Variants in CSMD1 observed in about 807,000 individuals in gnomAD.
CSMD1 encodes CUB and Sushi multiple domains 1.
A neutral mutation model predicts 417.5 loss-of-function variants in CSMD1; 213 were observed. The ratio of observed to expected loss-of-function variants is 0.51; its 90% confidence interval spans 0.46 to 0.57. CSMD1 has a LOEUF of 0.57. Ranked by LOEUF, CSMD1 falls within the 20% of genes least tolerant of loss-of-function variation. The pLI is 0.00. For synonymous variants in CSMD1, 2,862 were observed against 1,736.8 expected, an observed-to-expected ratio of 1.65 and a Z score of -16.11; for missense variants, 6,923 against 4,529.7, an observed-to-expected ratio of 1.53 and a Z score of -15.17.
chr8:4,812,515 A>G (rs1251811936), intron 1 of CSMD1, among the ~76,000 whole-genome samples: 1 of 152,206 alleles, frequency 6.6e-6, no homozygotes, highest in Non-Finnish European at 1.5e-5. Flanking sequence ...AAATTTGATC[A>G]TTATACATTC....
At chr8:3,245,350 A>G (rs753548380) in intron 26 of CSMD1, among the ~76,000 whole-genome samples, 4 of 152,146 alleles carry the variant, frequency 2.6e-5, no homozygotes, top group Non-Finnish European at 4.4e-5. Context: ...TTTGCAAAAC[A>G]AAAGTGAGAG....
rs1441465179 is a variant in CSMD1 at position 2,937,723 on chromosome 8, T to C, written c.*862A>G. ...TAAATGGAGCTAATTGAAGCAATAA[T>C]AAAATAAATCTCTTCAATACTGTAT... is the stretch of plus-strand genomic sequence containing the variant. On this transcript the variant is annotated 3_prime_UTR_variant, in exon 70 of 70. Transcript: ENST00000635120. 1 of 152,492 alleles carries C rather than the reference T, an allele frequency of 6.6e-6. No homozygotes were observed. Among genetic ancestry groups the C allele is most frequent in the Non-Finnish European group, 1.5e-5 (1 of 68,032 alleles). The allele number at this position is 152,492 out of a possible 1,614,324, so 9.4% of individuals were successfully genotyped here.
At chr8:4,351,384 C>T (rs540748688) in intron 3 of CSMD1, among the ~76,000 whole-genome samples, 2 of 152,238 alleles carry the variant, frequency 1.3e-5, no homozygotes, top group African/African-American at 4.8e-5. Flanking sequence ...CTCCTCTCTT[C>T]TCGTCTCATA....
At chr8:3,441,440 A>G (rs1177884094) in intron 12 of CSMD1, among the ~76,000 whole-genome samples, 1 of 151,834 alleles carries the variant, frequency 6.6e-6, no homozygotes, top group Admixed American at 6.6e-5. Flanking sequence ...AATATTGAAC[A>G]GTCTTTCATT....
chr8:3,697,981 A>G (rs1308071278), intron 7 of CSMD1, among the ~76,000 whole-genome samples: 1 of 152,196 alleles, frequency 6.6e-6, no homozygotes, highest in Non-Finnish European at 1.5e-5. Context: ...TATGGTTACA[A>G]TTCAATTTAA....
At chr8:4,437,337 G>C (rs1169989267) in intron 2 of CSMD1, among the ~76,000 whole-genome samples, 2 of 152,088 alleles carry the variant, frequency 1.3e-5, no homozygotes, top group East Asian at 1.9e-4. Flanking sequence ...GTTTTAAAAA[G>C]AAAATACATT....
chr8:3,824,951 A>AT (rs143456401), intron 5 of CSMD1, among the ~76,000 whole-genome samples: 5,337 of 152,238 alleles, frequency 0.035, 273 homozygotes, highest in African/African-American at 0.11. Context: ...GATTAATCTG[A>AT]TTTTTTAACT....
At chr8:3,910,232 G>C (rs759039825) in intron 5 of CSMD1, among the ~76,000 whole-genome samples, 1 of 152,118 alleles carries the variant, frequency 6.6e-6, no homozygotes, top group Non-Finnish European at 1.5e-5. Context: ...GTGAATTGTG[G>C]GGTGGGGAGG....
chr8:3,759,512 C>G (rs1281427881), intron 5 of CSMD1, among the ~76,000 whole-genome samples: 2 of 151,858 alleles, frequency 1.3e-5, no homozygotes, highest in South Asian at 2.1e-4. Flanking sequence ...TTCTAATAAA[C>G]AAATAGTTTG....
intron 5 of CSMD1, among the ~76,000 whole-genome samples, chr8:3,778,412 A>C (rs1799007732): frequency 6.6e-6 from 1 of 152,192 alleles, no homozygotes; most frequent in African/African-American, 2.4e-5. Context: ...AAAAAGATTC[A>C]ACACTTAAAT....
intron 5 of CSMD1, among the ~76,000 whole-genome samples, chr8:3,808,918 T>G (rs1419071115): frequency 1.3e-5 from 2 of 152,164 alleles, no homozygotes; most frequent in Non-Finnish European, 1.5e-5. Context: ...CAGGCAAGCC[T>G]CAATTCCGTG....
chr8:3,408,326 C>G (rs906100641), intron 13 of CSMD1, 101 bp from the exon 14 acceptor site: 14 of 751,206 alleles, frequency 1.9e-5, no homozygotes, highest in Non-Finnish European at 2.8e-5. Context: ...TTCATGCCTG[C>G]AAATAGCTAT....
intron 3 of CSMD1, among the ~76,000 whole-genome samples, chr8:4,085,143 C>G (rs1800353305): frequency 6.6e-6 from 1 of 152,180 alleles, no homozygotes; most frequent in South Asian, 2.1e-4. Context: ...TGTCACCGGC[C>G]TTGAAGGCGT....
intron 1 of CSMD1, among the ~76,000 whole-genome samples, chr8:4,767,944 C>T (rs983921279): frequency 2.0e-5 from 3 of 152,074 alleles, no homozygotes; most frequent in Non-Finnish European, 4.4e-5. Context: ...ATTTTGCATC[C>T]TTCGTACTCG....
intron 47 of CSMD1, among the ~76,000 whole-genome samples, chr8:3,093,593 A>C (rs1815100685): frequency 6.6e-6 from 1 of 152,104 alleles, no homozygotes; most frequent in Admixed American, 6.6e-5. Flanking sequence ...GCTTGAACCC[A>C]GGAGGTGGAA....
At chr8:4,020,912 G>A (rs998840772) in intron 4 of CSMD1, among the ~76,000 whole-genome samples, 1 of 152,194 alleles carries the variant, frequency 6.6e-6, no homozygotes. Flanking sequence ...TTCAGCAATT[G>A]CTGAAACTTA....
rs1801660710 is a variant in CSMD1 at position 2,938,708 on chromosome 8, C to A, written c.10572G>T (p.Gly3524=). ...ATGCTTGTCCATTGCTGTTTTCATG[C>A]CCAGCATAGCCATTGTATTGAACTT... is the stretch of plus-strand genomic sequence containing the variant. The part of the protein sequence containing the change: ...RPKVQYNGYA[G]HENSNGQASF... The change falls in exon 70 of 70, where the codon GGG becomes GGT. Residue 3524 remains glycine (G), a synonymous_variant. Coordinates refer to ENST00000635120, the MANE Select transcript of CSMD1 (RefSeq NM_033225.6). 1 of 1,611,088 alleles carries A rather than the reference C, an allele frequency of 6.2e-7. No homozygotes were observed. Among genetic ancestry groups the A allele is most frequent in the Non-Finnish European group, 8.5e-7 (1 of 1,178,512 alleles).
Position 4,001,223 on chromosome 8 carries a change from T to C in CSMD1, c.611-3113A>G, listed in dbSNP as rs184277500. ...GAATAAGAAGCTTAACCGATTCTTC[T>C]GGGAAAACCTCTCAGTAACCTTGAC... On this transcript the variant is annotated intron_variant, in intron 4 of 69. Transcript: ENST00000635120. 4.6e-5 allele frequency among the ~76,000 whole-genome samples: 7 copies of C among 152,312 alleles called. No individual in the cohort carries two copies. In the East Asian group the frequency reaches 1.2e-3, roughly 25 times the overall value.
intron 5 of CSMD1, among the ~76,000 whole-genome samples, chr8:3,859,514 G>C (rs754060797): frequency 6.6e-6 from 1 of 152,154 alleles, no homozygotes; most frequent in Non-Finnish European, 1.5e-5. Flanking sequence ...TTTACAGCAG[G>C]AGCTGGCCAC....
Sources: gnomAD v4.1 joint callset for allele counts (sites outside exome capture counted in the v4.1 genomes callset) on GRCh38, gnomAD v4.1.1 for gene constraint, MANE v1.5 for transcripts, NCBI Gene and HGNC (gene_info 2026-07-23, HGNC 2026-07-21) for gene names.